MAML3: variants seen among roughly 807,000 people sequenced by gnomAD.
The protein encoded by MAML3 is mastermind like transcriptional coactivator 3.
Under a neutral mutation model 101.9 loss-of-function variants are expected in MAML3, and 27 were observed. The ratio of observed to expected loss-of-function variants is 0.27; its 90% CI spans 0.20 to 0.37. MAML3 has a LOEUF of 0.37. Among genes scored for constraint, MAML3 ranks in the 10% least tolerant of loss-of-function variants. The pLI, the probability that MAML3 is intolerant of heterozygous loss-of-function variation, is 1.00. For synonymous variants in MAML3, 501 were observed against 555.9 expected, an observed-to-expected ratio of 0.90 and a Z score of 1.39; for missense variants, 1,316 against 1,444.9, an observed-to-expected ratio of 0.91 and a Z score of 1.45.
intron 1 of MAML3, among the ~76,000 whole-genome samples, chr4:140,041,205 T>C (rs1727080209): frequency 6.6e-6 from 1 of 152,134 alleles, no homozygotes; most frequent in South Asian, 2.1e-4. Flanking sequence ...TGTGAGTGGG[T>C]CTTGAAGCAT....
At chr4:140,136,935 C>T (rs894633939) in intron 1 of MAML3, among the ~76,000 whole-genome samples, 4 of 152,222 alleles carry the variant, frequency 2.6e-5, no homozygotes, top group Non-Finnish European at 5.9e-5. Flanking sequence ...TTTCATTATT[C>T]AGTATTTTGA....
chr4:139,789,069 G>A (rs1229253488), intron 2 of MAML3, among the ~76,000 whole-genome samples: 1 of 152,182 alleles, frequency 6.6e-6, no homozygotes, highest in East Asian at 1.9e-4. Context: ...GCCTTTTAAT[G>A]CTAGAGTAGC....
chr4:140,018,527 T>C (rs770153174), intron 1 of MAML3, among the ~76,000 whole-genome samples: 1 of 152,188 alleles, frequency 6.6e-6, no homozygotes, highest in Non-Finnish European at 1.5e-5. Context: ...CAAATAATAA[T>C]CAAAATATTC....
chr4:139,807,008 T>C lies in MAML3; in HGVS notation c.2080-76341A>G, dbSNP rs1247790465. Among the ~76,000 whole-genome samples, 3 of 152,320 alleles carry C rather than the reference T, an allele frequency of 2.0e-5. No individual in the cohort carries two copies. In the South Asian group the frequency reaches 6.2e-4, roughly 32 times the overall value. The stretch of plus-strand genomic sequence containing the variant: ...CTTTAAATTTCTAAAATAAACAGAC[T>C]TTTTAGGCTTAAAATATTATGTAAA... On this transcript the variant is annotated intron_variant, in intron 2 of 4. Coordinates refer to ENST00000509479, the MANE Select transcript of MAML3 (RefSeq NM_018717.5).
intron 2 of MAML3, among the ~76,000 whole-genome samples, chr4:139,853,300 A>T (rs981313587): frequency 2.0e-5 from 3 of 152,264 alleles, no homozygotes; most frequent in South Asian, 4.1e-4. Flanking sequence ...TGAAAATGGT[A>T]AAAATCAAAC....
chr4:139,858,835 T>C (rs1731715328), intron 2 of MAML3, among the ~76,000 whole-genome samples: 2 of 152,174 alleles, frequency 1.3e-5, no homozygotes, highest in Admixed American at 6.5e-5. Context: ...ACTGGGAATC[T>C]CAGTGGACAC....
intron 1 of MAML3, among the ~76,000 whole-genome samples, chr4:140,061,965 C>T (rs1392766371): frequency 1.3e-5 from 2 of 152,090 alleles, no homozygotes; most frequent in Non-Finnish European, 2.9e-5. Flanking sequence ...TAGAAAGTCA[C>T]TAAGAAAGGA....
chr4:139,905,689 C>T (rs771911225), intron 1 of MAML3, among the ~76,000 whole-genome samples: 1 of 152,088 alleles, frequency 6.6e-6, no homozygotes, highest in Non-Finnish European at 1.5e-5. Flanking sequence ...GTTGGTTTCT[C>T]CTGTGCCTCT....
intron 2 of MAML3, among the ~76,000 whole-genome samples, chr4:139,798,034 G>GAGAA (rs60781175): frequency 0.043 from 5,323 of 124,430 alleles, 126 homozygotes; most frequent in African/African-American, 0.052. Flanking sequence ...AGGAGAGAGA[G>GAGAA]AGAAAGAAAG....
chr4:140,028,786 C>A (rs1726865105), intron 1 of MAML3, among the ~76,000 whole-genome samples: 1 of 152,036 alleles, frequency 6.6e-6, no homozygotes, highest in Non-Finnish European at 1.5e-5. Flanking sequence ...CCTTTCTCTT[C>A]TTTATTATGT....
At chr4:139,933,486 G>A (rs963352834) in intron 1 of MAML3, among the ~76,000 whole-genome samples, 1 of 152,204 alleles carries the variant, frequency 6.6e-6, no homozygotes, top group African/African-American at 2.4e-5. Context: ...CATTTTACAC[G>A]GAAAAGCCTC....
At chr4:139,800,678 A>G (rs1730589269) in intron 2 of MAML3, among the ~76,000 whole-genome samples, 2 of 152,212 alleles carry the variant, frequency 1.3e-5, no homozygotes, top group Admixed American at 1.3e-4. Flanking sequence ...ATTTGTTTTC[A>G]TTTGAAAACT....
chr4:140,143,475 A>G (rs1331554949), intron 1 of MAML3, among the ~76,000 whole-genome samples: 1 of 152,214 alleles, frequency 6.6e-6, no homozygotes, highest in East Asian at 1.9e-4. Flanking sequence ...GAAAAGAATG[A>G]CAACTGGCCA....
chr4:139,750,422 A>G (rs1027053555), intron 2 of MAML3, among the ~76,000 whole-genome samples: 3 of 152,230 alleles, frequency 2.0e-5, no homozygotes, highest in Non-Finnish European at 4.4e-5. Flanking sequence ...CTGCCTCTGC[A>G]CTAAATGCAA....
rs1578686333 is a variant in MAML3 at position 140,104,362 on chromosome 4, T to A, written c.468+48498A>T. On this transcript the variant is annotated intron_variant, in intron 1 of 4. Coordinates refer to ENST00000509479, the MANE Select transcript of MAML3 (RefSeq NM_018717.5). The stretch of plus-strand genomic sequence containing the variant: ...TCTCAAAAAAAAAACCAAACCTATT[T>A]TATATATATATATAATATATATATA... Among the ~76,000 whole-genome samples, 15 of 76,692 alleles carry A rather than the reference T, an allele frequency of 2.0e-4. 1 individual carries two copies. In the South Asian group the frequency reaches 5.4e-3, roughly 28 times the overall value. 50.3% of individuals were successfully genotyped at this position (76,692 alleles called of 152,430 possible). A position where few individuals can be genotyped will look rare whatever the true frequency, so the allele number is the denominator to read the frequency against.
chr4:139,960,533 G>A (rs1733992994), intron 1 of MAML3, among the ~76,000 whole-genome samples: 1 of 152,088 alleles, frequency 6.6e-6, no homozygotes, highest in Admixed American at 6.5e-5. Context: ...TTAGGCTGTG[G>A]GATGAAAATT....
intron 1 of MAML3, among the ~76,000 whole-genome samples, chr4:140,122,248 T>A (rs182849916): frequency 4.1e-4 from 57 of 140,314 alleles, no homozygotes; most frequent in African/African-American, 1.4e-3. Context: ...TTAAACAGAG[T>A]TTCGCTTTTG....
chr4:139,980,650 G>A (rs1269321385), intron 1 of MAML3, among the ~76,000 whole-genome samples: 1 of 152,168 alleles, frequency 6.6e-6, no homozygotes, highest in Non-Finnish European at 1.5e-5. Context: ...GGTATTCATT[G>A]TCCATTCAAC....
rs528569459 is a variant in MAML3, at chr4:139,911,140, G to A, written c.469-20173C>T. ...GTACCTCACATAAGTGGAATCATAC[G>A]ATATTTATCTCTTAATGACTGGAAT... On this transcript the variant is annotated intron_variant, in intron 1 of 4. Transcript: ENST00000509479. Among the ~76,000 whole-genome samples, 12 of 151,954 alleles carry A rather than the reference G, an allele frequency of 7.9e-5. No individual in the cohort carries two copies. In the East Asian group the frequency reaches 9.7e-4, roughly 12 times the overall value.
Sources: gnomAD v4.1 joint callset for allele counts (sites outside exome capture counted in the v4.1 genomes callset) on GRCh38, gnomAD v4.1.1 for gene constraint, MANE v1.5 for transcripts, NCBI Gene and HGNC (gene_info 2026-07-23, HGNC 2026-07-21) for gene names.